The following BEST2 variants were observed in gnomAD, a reference collection of about 807,000 sequenced individuals.
BEST2 encodes bestrophin 2.
In BEST2, 36 loss-of-function variants were observed where a neutral mutation model predicts 49.0. That is an observed-to-expected ratio of 0.73 (90% confidence interval 0.56 to 0.97). The LOEUF (loss-of-function observed/expected upper bound fraction) is 0.97. Among genes scored for constraint, BEST2 ranks in the 50% least tolerant of loss-of-function variants. The pLI is 0.00. For synonymous variants in BEST2, 335 were observed against 304.4 expected (o/e 1.10, Z -1.05); for missense variants, 672 against 710.0 (o/e 0.95, Z 0.61).
rs992430486 is a variant in BEST2, at chr19:12,756,132, C to T, written c.949-9C>T. The T allele has an allele frequency of 6.2e-7, 1 of 1,614,184 alleles. No homozygotes were observed. Among genetic ancestry groups the T allele is most frequent in the Non-Finnish European group, 8.5e-7 (1 of 1,180,012 alleles). On this transcript the variant is annotated splice_polypyrimidine_tract_variant and intron_variant, in intron 8 of 9. Coordinates refer to ENST00000553030, the MANE Select transcript of BEST2 (RefSeq NM_017682.3). Reference sequence around the variant, plus strand: ...GCCCCCACTTTACCCTGTGTGTTTGCACCCGTAGGTGTCCATGCTGGCAGT... The same window carrying T: ...GCCCCCACTTTACCCTGTGTGTTTGTACCCGTAGGTGTCCATGCTGGCAGT...
rs1253399633 is a variant in BEST2 at position 12,754,999 on chromosome 19, C to G, written c.604C>G (p.Arg202Gly). ...AAQARREGRI[R>G]DNSALKLLLE... ...ACAGGCCCGACGCGAGGGCCGCATC[C>G]GCGACAACAGCGCCCTTAAGCTGCT... The change falls in exon 5 of 10, where the codon CGC (arginine) becomes GGC (glycine). Residue 202 changes from arginine to glycine, a missense_variant. By Grantham distance (125) the Arg-to-Gly change is moderately radical. Coordinates refer to ENST00000553030, the MANE Select transcript of BEST2 (RefSeq NM_017682.3). 3.1e-6 allele frequency: 5 copies of G among 1,611,084 alleles called. No individual in the cohort carries two copies. Among genetic ancestry groups the G allele is most frequent in the African/African-American group, 1.3e-5 (1 of 74,750 alleles).
chr19:12,753,114 G>A, intron 2 of BEST2, 146 bp from the exon 3 acceptor site: 1 of 760,258 alleles, frequency 1.3e-6, no homozygotes, highest in Non-Finnish European at 2.1e-6. Flanking sequence ...GCCTCCCAAA[G>A]TGCTGGGATT....
At chr19:12,757,423 A>C (rs1194739986) in intron 9 of BEST2, among the ~76,000 whole-genome samples, 1 of 152,234 alleles carries the variant, frequency 6.6e-6, no homozygotes, top group Non-Finnish European at 1.5e-5. Context: ...AAATAAAATA[A>C]AATAAAATAA....
Position 12,755,795 on chromosome 19 carries a change from C to G in BEST2, c.867+28C>G. The G allele has an allele frequency of 1.2e-6, 2 of 1,610,028 alleles. No individual in the cohort carries two copies. The highest frequency in any genetic ancestry group is 1.7e-6 in the Non-Finnish European group (2 of 1,176,430). On this transcript the variant is annotated intron_variant, in intron 7 of 9. Coordinates refer to ENST00000553030, the MANE Select transcript of BEST2 (RefSeq NM_017682.3). The surrounding 1 kb of genome is among the most constrained non-coding windows in gnomAD (Gnocchi z 4.4). ...AGGTGGGTGATCCAGGCTGGAATTT[C>G]GTGGGTGGGGCGGGCATGGGGTTCC...
chr19:12,752,545 C>T lies in BEST2; in HGVS notation c.-48C>T. 1 of 1,599,592 alleles carries T rather than the reference C, an allele frequency of 6.3e-7. No individual in the cohort carries two copies. The highest frequency in any genetic ancestry group is 8.5e-7 in the Non-Finnish European group (1 of 1,172,644). ...ACCTCTCCACCCACACCCGCAGCCC[C>T]CACCCGGGCCACCCACTCTCCCTTG... On this transcript the variant is annotated 5_prime_UTR_variant, in exon 2 of 10. Transcript: ENST00000553030.
Position 12,757,994 on chromosome 19 carries a change from A to G in BEST2, c.1447A>G (p.Ile483Val). The change falls in exon 10 of 10, where the codon ATC becomes GTC. Residue 483 changes from isoleucine to valine, a missense_variant. Coordinates refer to ENST00000553030, the MANE Select transcript of BEST2 (RefSeq NM_017682.3). ...LIPGPVEPFS[I>V]VTMPGPRGPA... ...CCCTGGGCCTGTCGAGCCCTTCAGC[A>G]TCGTGACCATGCCCGGGCCCCGGGG... 4 of 1,612,390 alleles carry G rather than the reference A, an allele frequency of 2.5e-6. No homozygotes were observed. Among genetic ancestry groups the G allele is most frequent in the Non-Finnish European group, 3.4e-6 (4 of 1,179,780 alleles).
rs780774706 is a variant in BEST2 at position 12,752,544 on chromosome 19, C to T, written c.-49C>T. The T allele has an allele frequency of 5.6e-6, 9 of 1,598,792 alleles. No homozygotes were observed. The South Asian group carries it at 9.9e-5, about 18-fold the overall frequency. Reference sequence around the variant, plus strand: ...CACCTCTCCACCCACACCCGCAGCCCCCACCCGGGCCACCCACTCTCCCTT... The same window carrying T: ...CACCTCTCCACCCACACCCGCAGCCTCCACCCGGGCCACCCACTCTCCCTT... On this transcript the variant is annotated splice_region_variant and 5_prime_UTR_variant, in exon 2 of 10. Transcript: ENST00000553030.
chr19:12,754,942 G>C lies in BEST2; in HGVS notation c.547G>C (p.Val183Leu). 6.2e-7 allele frequency: 1 copy of C among 1,613,922 alleles called. No individual in the cohort carries two copies. Among genetic ancestry groups the C allele is most frequent in the Non-Finnish European group, 8.5e-7 (1 of 1,179,912 alleles). Residue 183 changes from valine to leucine, a missense_variant, in exon 5 of 10, where the codon GTG (valine) becomes CTG (leucine). Val to Leu is a conservative substitution (Grantham distance 32). This residue lies in a region of BEST2 where 365 missense variants were observed against 390.9 expected (regional missense o/e 0.93). Transcript: ENST00000553030. Reference sequence around the variant, plus strand: ...GAACTCATCCTACAACAAGTACTGGGTGCCCTGCGTCTGGTTCTCCAACCT... The same window carrying C: ...GAACTCATCCTACAACAAGTACTGGCTGCCCTGCGTCTGGTTCTCCAACCT... ...NLNSSYNKYW[V>L]PCVWFSNLAA...
At chr19:12,753,156 C>A in intron 2 of BEST2, 104 bp from the exon 3 acceptor site, 3 of 1,195,972 alleles carry the variant, frequency 2.5e-6, no homozygotes, top group Non-Finnish European at 3.7e-6. Context: ...CGGCTGGGGG[C>A]AGCTATTATA....
intron 9 of BEST2, chr19:12,756,692 A>C (rs1275752918): frequency 9.5e-6 from 2 of 211,026 alleles, no homozygotes; most frequent in Non-Finnish European, 1.9e-5. Context: ...TACTAAAAAT[A>C]AAAAATTAGC....
rs1455493491 is a variant in BEST2 at position 12,755,951 on chromosome 19, C to A, written c.948+16C>A. 4.3e-6 allele frequency: 7 copies of A among 1,612,268 alleles called. 1 individual carries two copies. In the South Asian group the frequency reaches 6.6e-5, roughly 15 times the overall value. On this transcript the variant is annotated intron_variant, in intron 8 of 9. Transcript: ENST00000553030. The surrounding 1 kb of genome is among the most constrained non-coding windows in gnomAD (Gnocchi z 4.4). ...AAACTTCCAGGTGAGACTCAGTTTC[C>A]AGGTGAGACTTCCAGGTGGCGACCA...
intron 2 of BEST2, 152 bp downstream of exon 2, chr19:12,752,896 T>A (rs1169564945): frequency 8.1e-6 from 5 of 616,722 alleles, no homozygotes; most frequent in Non-Finnish European, 4.5e-6. Flanking sequence ...TCACCCAGGC[T>A]GGAGTGCAGT....
In BEST2 at chr19:12,758,295, C is replaced by A. The variant is rs1461706608; in HGVS notation, c.*218C>A. 3 of 589,830 alleles carry A rather than the reference C, an allele frequency of 5.1e-6. No homozygotes were observed. In the East Asian group the frequency reaches 8.9e-5, roughly 18 times the overall value. The allele number at this position is 589,830 out of a possible 1,614,324, so 36.5% of individuals were successfully genotyped here. On this transcript the variant is annotated 3_prime_UTR_variant, in exon 10 of 10. Transcript: ENST00000553030. The stretch of plus-strand genomic sequence containing the variant: ...CTGACCACCAGCTCTACTTCCCAAC[C>A]CCCACTGCCTGAGAGGTCTCTATCA...
At position 12,755,406 on chromosome 19, in the gene BEST2, G is replaced by C. The variant is rs375581807; in HGVS notation, c.664G>C (p.Gly222Arg). 10 of 1,614,036 alleles carry C rather than the reference G, an allele frequency of 6.2e-6. No individual in the cohort carries two copies. The highest frequency in any genetic ancestry group is 8.5e-6 in the Non-Finnish European group (10 of 1,180,054). Residue 222 changes from glycine (G) to arginine (R), a missense_variant, in exon 6 of 10, where the codon GGA becomes CGA. Transcript: ENST00000553030. The surrounding 1 kb of genome is among the most constrained non-coding windows in gnomAD (Gnocchi z 4.4). ...EELNVFRGKC[G>R]MLFHYDWISV... ...GCTGAATGTTTTTCGGGGCAAATGT[G>C]GAATGCTCTTTCACTATGACTGGAT...
intron 9 of BEST2, among the ~76,000 whole-genome samples, chr19:12,757,026 C>T (rs1967953177): frequency 6.6e-6 from 1 of 152,020 alleles, no homozygotes. Flanking sequence ...GCCTGTAATC[C>T]CAGCTAATCG....
chr19:12,755,784 G>A lies in BEST2; in HGVS notation c.867+17G>A. On this transcript the variant is annotated intron_variant, in intron 7 of 9. Transcript: ENST00000553030. This position sits in a 1 kb window ranked among gnomAD's most constrained non-coding sequence, Gnocchi z 4.4. ...TGGCTCAAGGTAGGTGGGTGATCCA[G>A]GCTGGAATTTCGTGGGTGGGGCGGG... 2 of 1,613,832 alleles carry A rather than the reference G, an allele frequency of 1.2e-6. No individual in the cohort carries two copies. Among genetic ancestry groups the A allele is most frequent in the Non-Finnish European group, 1.7e-6 (2 of 1,179,732 alleles).
rs1197594454 is a variant in BEST2 at position 12,757,773 on chromosome 19, C to T, written c.1226C>T (p.Pro409Leu). 5.8e-6 allele frequency: 9 copies of T among 1,545,500 alleles called. 1 individual carries two copies. The highest frequency in any genetic ancestry group is 2.7e-5 in the African/African-American group (2 of 72,898). ...PAGAGMVAGG[P>L]LGRRLSFLLR... ...GGCGCGGGCATGGTCGCGGGAGGCC[C>T]GCTGGGCCGGCGCCTGTCCTTTCTA... Residue 409 changes from proline (P) to leucine (L), a missense_variant, in exon 10 of 10, where the codon CCG becomes CTG. Pro to Leu is a moderately conservative substitution (Grantham distance 98). Around this residue, in one of 3 missense-constraint regions of BEST2, gnomAD observed 291 missense variants for 279.8 expected, o/e 1.04. Transcript: ENST00000553030.
At chr19:12,752,927 CCA>C (rs1967888702) in intron 2 of BEST2, among the ~76,000 whole-genome samples, 183 bp downstream of exon 2, 1 of 149,160 alleles carries the variant, frequency 6.7e-6, no homozygotes, top group Non-Finnish European at 1.5e-5. Context: ...TCTCTTACTT[CCA>C]CCTCTGCCTC....
At position 12,758,209 on chromosome 19, in the gene BEST2, C is replaced by A; in HGVS notation, c.*132C>A. On this transcript the variant is annotated 3_prime_UTR_variant, in exon 10 of 10. Transcript: ENST00000553030. ...ACACTTTTGACCAGCTCTCGCTGCC[C>A]GCATGTGTTTGGCGCTGTGCTAGGG... 8.6e-7 allele frequency: 1 copy of A among 1,160,126 alleles called. No individual in the cohort carries two copies. The highest frequency in any genetic ancestry group is 1.2e-6 in the Non-Finnish European group (1 of 830,452). 71.9% of individuals were successfully genotyped at this position (1,160,126 alleles called of 1,614,324 possible).
Sources: allele counts gnomAD v4.1 joint callset (sites outside exome capture counted in the v4.1 genomes callset), GRCh38; gene constraint gnomAD v4.1.1; regional missense constraint gnomAD v4.1.1; non-coding constraint Gnocchi (gnomAD v3.1); transcripts MANE v1.5; gene names NCBI Gene and HGNC (gene_info 2026-07-23, HGNC 2026-07-21).